Variants in ATP8A1 observed in about 807,000 individuals in gnomAD.
The protein encoded by ATP8A1 is ATPase phospholipid transporting 8A1.
ATP8A1 carries 90 observed loss-of-function variants against 177.7 expected under a neutral mutation model. That is an observed-to-expected ratio of 0.51 (90% CI 0.43 to 0.60). The LOEUF (loss-of-function observed/expected upper bound fraction) is 0.60. Ranked by LOEUF, ATP8A1 falls within the 20% of genes least tolerant of loss-of-function variation. The probability of loss-of-function intolerance (pLI) is 0.00; values close to 1 mark genes in which losing one functional copy is unlikely to be tolerated. For missense variants in ATP8A1, 1,072 were observed against 1,392.8 expected (o/e 0.77, Z 3.67); for synonymous variants, 493 against 485.9 (o/e 1.01, Z -0.19).
chr4:42,539,035 G>C (rs1395136577), intron 20 of ATP8A1, among the ~76,000 whole-genome samples: 1 of 152,156 alleles, frequency 6.6e-6, no homozygotes, highest in Non-Finnish European at 1.5e-5. Flanking sequence ...AGTAGATAAA[G>C]AAAATGTGGT....
intron 21 of ATP8A1, among the ~76,000 whole-genome samples, chr4:42,522,759 CT>C (rs1273374839): frequency 1.3e-5 from 2 of 152,190 alleles, no homozygotes; most frequent in Non-Finnish European, 2.9e-5. Context: ...TGCCCACTGT[CT>C]GCCTTGCAAG....
At chr4:42,467,664 G>A (rs938439931) in intron 25 of ATP8A1, among the ~76,000 whole-genome samples, 2 of 152,212 alleles carry the variant, frequency 1.3e-5, no homozygotes, top group African/African-American at 4.8e-5. Flanking sequence ...CTGCACTCCA[G>A]CCTGGGTGAC....
In ATP8A1 at chr4:42,545,621, G is replaced by A. The variant is rs542617509; in HGVS notation, c.1653-1635C>T. On this transcript the variant is annotated intron_variant, in intron 19 of 36. Transcript: ENST00000381668. ...CTTCTCCATTCTCCAAGTCTCCCGCGTTCCCTCCTCACCCCAGAAGCTTGA... is the reference window on the plus strand; with the variant it reads ...CTTCTCCATTCTCCAAGTCTCCCGCATTCCCTCCTCACCCCAGAAGCTTGA... Among the ~76,000 whole-genome samples the A allele has an allele frequency of 5.5e-4, 84 of 152,212 alleles. 1 individual carries two copies. Among genetic ancestry groups the A allele is most frequent in the South Asian group, 2.5e-3 (12 of 4,816 alleles).
At chr4:42,471,999 G>C in intron 25 of ATP8A1, 1 of 717,814 alleles carries the variant, frequency 1.4e-6, no homozygotes. Flanking sequence ...CATAATCTTT[G>C]TTCCTGTTCC....
At chr4:42,595,234 C>T (rs1734608857) in intron 6 of ATP8A1, among the ~76,000 whole-genome samples, 1 of 152,098 alleles carries the variant, frequency 6.6e-6, no homozygotes, top group Non-Finnish European at 1.5e-5. Context: ...GTTTGTTCTT[C>T]CCCCTCCCTA....
Position 42,476,132 on chromosome 4 carries a change from T to C in ATP8A1, c.2324+9364A>G, listed in dbSNP as rs141494442. On this transcript the variant is annotated intron_variant, in intron 25 of 36. Transcript: ENST00000381668. The stretch of plus-strand genomic sequence containing the variant: ...TAGGCTCTGGAAAGTCTGGCCTCAG[T>C]TCCTGAGCACTACAGCACAGGGCAT... 5.6e-3 allele frequency among the ~76,000 whole-genome samples: 852 copies of C among 152,288 alleles called. 6 individuals are homozygous for C. Among genetic ancestry groups the C allele is most frequent in the African/African-American group, 0.019 (798 of 41,558 alleles).
Position 42,465,091 on chromosome 4 carries a change from C to T in ATP8A1, c.2325-15G>A, listed in dbSNP as rs1320436065. The T allele has an allele frequency of 6.2e-7, 1 of 1,600,526 alleles. No homozygotes were observed. Among genetic ancestry groups the T allele is most frequent in the Non-Finnish European group, 8.5e-7 (1 of 1,170,570 alleles). On this transcript the variant is annotated splice_polypyrimidine_tract_variant and intron_variant, in intron 25 of 36. Coordinates refer to ENST00000381668, the MANE Select transcript of ATP8A1 (RefSeq NM_006095.2). ...GAGGAGAAACCCTGAAATTGAAACA[C>T]ATTATCAATTACTGTTTTCTGAAAA...
chr4:42,466,902 T>G (rs78166400), intron 25 of ATP8A1, among the ~76,000 whole-genome samples: 31,942 of 152,258 alleles, frequency 0.21, 3,574 homozygotes, highest in South Asian at 0.3. Context: ...CAAAAAGGAA[T>G]GCTCACCAAT....
intron 18 of ATP8A1, among the ~76,000 whole-genome samples, chr4:42,550,609 C>T (rs1250966089): frequency 6.6e-6 from 1 of 152,100 alleles, no homozygotes; most frequent in Non-Finnish European, 1.5e-5. Context: ...TTGGTGCTAT[C>T]CATTTTTAAA....
chr4:42,614,870 CT>C (rs1736742922), intron 5 of ATP8A1, among the ~76,000 whole-genome samples: 1 of 152,194 alleles, frequency 6.6e-6, no homozygotes, highest in African/African-American at 2.4e-5. Context: ...CCATTCCTCT[CT>C]GTTCATCCAA....
chr4:42,645,824 T>A (rs146805291), intron 1 of ATP8A1, among the ~76,000 whole-genome samples: 1 of 152,030 alleles, frequency 6.6e-6, no homozygotes, highest in Non-Finnish European at 1.5e-5. Flanking sequence ...CATTCTGGCA[T>A]AGATGGTAGA....
intron 27 of ATP8A1, among the ~76,000 whole-genome samples, chr4:42,461,250 T>TC (rs1371420964): frequency 2.6e-5 from 4 of 150,984 alleles, no homozygotes; most frequent in South Asian, 2.1e-4. Flanking sequence ...TTTTCTTTCT[T>TC]TTTTTTTTTT....
In ATP8A1 at chr4:42,648,359, C is replaced by T. The variant is rs955962952; in HGVS notation, c.49+8466G>A. ...AAGGGACCAAAATAAAGAGAGGTGG[C>T]GGCGGGTGGGGTGGGGGGAAGGGAA... On this transcript the variant is annotated intron_variant, in intron 1 of 36. Transcript: ENST00000381668. Among the ~76,000 whole-genome samples, 8 of 129,176 alleles carry T rather than the reference C, an allele frequency of 6.2e-5. No homozygotes were observed. In the East Asian group the frequency reaches 8.0e-4, roughly 13 times the overall value. The allele number at this position is 129,176 out of a possible 152,430, so 84.7% of individuals were successfully genotyped here.
Position 42,409,119 on chromosome 4 carries a change from C to T in ATP8A1, c.*3797G>A, listed in dbSNP as rs527860981. On this transcript the variant is annotated 3_prime_UTR_variant, in exon 37 of 37. Coordinates refer to ENST00000381668, the MANE Select transcript of ATP8A1 (RefSeq NM_006095.2). ...ACTGAATTTTAAATTCCAGGTAGGCCGTGATAGAACTTTACAAGGCAGAAA... is the reference window on the plus strand; with the variant it reads ...ACTGAATTTTAAATTCCAGGTAGGCTGTGATAGAACTTTACAAGGCAGAAA... The T allele has an allele frequency of 5.3e-5, 8 of 152,140 alleles. No homozygotes were observed. The highest frequency in any genetic ancestry group is 6.5e-5 in the Admixed American group (1 of 15,282). The allele number at this position is 152,140 out of a possible 1,614,324, so 9.4% of individuals were successfully genotyped here. A position where few individuals can be genotyped will look rare whatever the true frequency, so the allele number is the denominator to read the frequency against.
intron 20 of ATP8A1, among the ~76,000 whole-genome samples, chr4:42,532,161 G>A (rs1452792213): frequency 6.6e-6 from 1 of 151,502 alleles, no homozygotes; most frequent in African/African-American, 2.4e-5. Flanking sequence ...TAAAATACAC[G>A]GGAATAAATT....
intron 33 of ATP8A1, among the ~76,000 whole-genome samples, chr4:42,430,872 G>A (rs1186325979): frequency 1.3e-5 from 2 of 152,062 alleles, no homozygotes; most frequent in Non-Finnish European, 2.9e-5. Context: ...CTTCCAGATA[G>A]CCACAGGTCC....
rs1297240304 is a variant in ATP8A1 at position 42,522,215 on chromosome 4, G to A, written c.1892C>T (p.Thr631Ile). The A allele has an allele frequency of 6.2e-7, 1 of 1,613,718 alleles. No individual in the cohort carries two copies. The highest frequency in any genetic ancestry group is 1.1e-5 in the South Asian group (1 of 91,044). The change falls in exon 22 of 37, where the codon ACA (threonine) becomes ATA (isoleucine). Residue 631 changes from threonine (T) to isoleucine (I), a missense_variant. This residue lies in a region of ATP8A1 where 388 missense variants were observed against 471.7 expected (regional missense o/e 0.82). Transcript: ENST00000381668. ...TTTGAGTAGCCTGTTCTGCACAGAT[G>A]TAGATGCTCGCTGATAGACTGCTCG... is the stretch of plus-strand genomic sequence containing the variant. ...EWRAVYQRAS[T>I]SVQNRLLKLE...
At chr4:42,619,576 A>G (rs1737253722) in intron 4 of ATP8A1, among the ~76,000 whole-genome samples, 1 of 151,638 alleles carries the variant, frequency 6.6e-6, no homozygotes, top group East Asian at 1.9e-4. Context: ...CCTTACCTGC[A>G]GGCAATTCTT....
rs1187908656 is a variant in ATP8A1, at chr4:42,408,669, C to T, written c.*4247G>A. ...CAGGGAGCTGAAAATACTACTTTAT[C>T]TTTAACGCAAAACTGCAGTTTTCTG... On this transcript the variant is annotated 3_prime_UTR_variant, in exon 37 of 37. Coordinates refer to ENST00000381668, the MANE Select transcript of ATP8A1 (RefSeq NM_006095.2). 6.6e-6 allele frequency: 1 copy of T among 152,162 alleles called. No homozygotes were observed. The highest frequency in any genetic ancestry group is 1.9e-4 in the East Asian group (1 of 5,196). The allele number at this position is 152,162 out of a possible 1,614,324, so 9.4% of individuals were successfully genotyped here. A position where few individuals can be genotyped will look rare whatever the true frequency, so the allele number is the denominator to read the frequency against.
Sources: allele counts gnomAD v4.1 joint callset (sites outside exome capture counted in the v4.1 genomes callset), GRCh38; gene constraint gnomAD v4.1.1; regional missense constraint gnomAD v4.1.1; transcripts MANE v1.5; gene names NCBI Gene and HGNC (gene_info 2026-07-23, HGNC 2026-07-21).